SLC8A1: variants seen among roughly 807,000 people sequenced by gnomAD.
The protein encoded by SLC8A1 is sodium/calcium exchanger 1.
Under a neutral mutation model 68.3 loss-of-function variants are expected in SLC8A1, and 18 were observed. That is an observed-to-expected ratio of 0.26 (90% confidence interval 0.18 to 0.39). SLC8A1 has a LOEUF of 0.39. Among genes scored for constraint, SLC8A1 ranks in the 10% least tolerant of loss-of-function variants. SLC8A1 has a pLI of 1.00. For synonymous variants in SLC8A1, 475 were observed against 415.5 expected (o/e 1.14, Z -1.74); for missense variants, 985 against 1,156.7 (o/e 0.85, Z 2.15).
rs141624518 is a variant in SLC8A1 at position 40,298,714 on chromosome 2, A to T, written c.1809-120859T>A. On this transcript the variant is annotated intron_variant, in intron 2 of 7. Transcript: ENST00000406785. ...AAATGGTAACATACGTGCTGTAAGG[A>T]TGACATAAGAGATGGTAAAGGAAAG... Among the ~76,000 whole-genome samples, 95 of 152,350 alleles carry T rather than the reference A, an allele frequency of 6.2e-4. 3 individuals carry two copies. The East Asian group carries it at 0.012, about 19-fold the overall frequency.
At chr2:40,296,026 T>G (rs897996654) in intron 2 of SLC8A1, among the ~76,000 whole-genome samples, 1 of 147,974 alleles carries the variant, frequency 6.8e-6, no homozygotes, top group South Asian at 2.1e-4. Context: ...AGAATTGTGT[T>G]TATTGTCTAT....
intron 2 of SLC8A1, among the ~76,000 whole-genome samples, chr2:40,410,938 T>A (rs1239989265): frequency 6.6e-6 from 1 of 152,036 alleles, no homozygotes; most frequent in Non-Finnish European, 1.5e-5. Context: ...GGATTCAAAA[T>A]GGGATTTTTT....
intron 2 of SLC8A1, among the ~76,000 whole-genome samples, chr2:40,382,194 G>C (rs1459525530): frequency 6.6e-6 from 1 of 152,056 alleles, no homozygotes; most frequent in Non-Finnish European, 1.5e-5. Flanking sequence ...CATCCAAAGA[G>C]GCCAAGCTTA....
At chr2:40,266,634 G>A (rs1277220303) in intron 2 of SLC8A1, among the ~76,000 whole-genome samples, 2 of 152,182 alleles carry the variant, frequency 1.3e-5, no homozygotes, top group Admixed American at 6.6e-5. Context: ...AAGAGAGCCA[G>A]ACTAGTCAGT....
chr2:40,140,640 T>C (rs1252261371), intron 6 of SLC8A1, among the ~76,000 whole-genome samples: 1 of 152,264 alleles, frequency 6.6e-6, no homozygotes, highest in African/African-American at 2.4e-5. Flanking sequence ...TGAGAACCGC[T>C]TTTCTAAATT....
At chr2:40,490,360 A>T (rs1470840703) in intron 1 of SLC8A1, among the ~76,000 whole-genome samples, 2 of 152,178 alleles carry the variant, frequency 1.3e-5, no homozygotes, top group African/African-American at 4.8e-5. Flanking sequence ...TAATTTTGTC[A>T]TATAGCTTTC....
At chr2:40,504,856 G>C (rs1023393113) in intron 1 of SLC8A1, among the ~76,000 whole-genome samples, 3 of 151,970 alleles carry the variant, frequency 2.0e-5, no homozygotes, top group Admixed American at 6.6e-5. Flanking sequence ...TACACTCTTG[G>C]TGGGAATGTA....
intron 7 of SLC8A1, chr2:40,116,901 A>G (rs2035562004): frequency 1.3e-5 from 2 of 152,216 alleles, no homozygotes; most frequent in Non-Finnish European, 2.9e-5. Flanking sequence ...GGTTTAGAGC[A>G]CATTTGAGCT....
At chr2:40,457,301 C>G (rs1703080934) in intron 1 of SLC8A1, among the ~76,000 whole-genome samples, 1 of 152,160 alleles carries the variant, frequency 6.6e-6, no homozygotes, top group Admixed American at 6.5e-5. Flanking sequence ...CAGTTGTTCC[C>G]TACAATCCAG....
Position 40,356,918 on chromosome 2 carries a change from C to A in SLC8A1, c.1808+71555G>T, listed in dbSNP as rs1483668573. On this transcript the variant is annotated intron_variant, in intron 2 of 7. Transcript: ENST00000406785. ...TCAATTATAAAAAAAAATGACAAGG[C>A]ACATGCCATGTTTTCTCTGCTTCTT... Among the ~76,000 whole-genome samples the A allele has an allele frequency of 2.0e-5, 3 of 152,186 alleles. No individual in the cohort carries two copies. The South Asian group carries it at 6.2e-4, about 32-fold the overall frequency.
chr2:40,420,581 A>G (rs1280822122), intron 2 of SLC8A1, among the ~76,000 whole-genome samples: 1 of 152,218 alleles, frequency 6.6e-6, no homozygotes, highest in African/African-American at 2.4e-5. Context: ...GGTCAGCTAC[A>G]CGGAGGGACT....
chr2:40,123,936 C>T (rs893131265), intron 7 of SLC8A1, among the ~76,000 whole-genome samples: 2 of 152,192 alleles, frequency 1.3e-5, no homozygotes, highest in Non-Finnish European at 2.9e-5. Flanking sequence ...ACTCGCTTCT[C>T]CTCCCTTCCC....
At chr2:40,107,573 T>C (rs1450428789) in exon 8 of SLC8A1, 2 of 152,218 alleles carry the variant, frequency 1.3e-5, no homozygotes, top group Non-Finnish European at 2.9e-5. Context: ...CTTTGTATTA[T>C]AGAATATGTT....
chr2:40,280,434 A>T (rs1290165240), intron 2 of SLC8A1, among the ~76,000 whole-genome samples: 1 of 152,184 alleles, frequency 6.6e-6, no homozygotes, highest in African/African-American at 2.4e-5. Context: ...CCATTTTTGG[A>T]TAACTATTCT....
At chr2:40,349,658 G>A (rs1670444274) in intron 2 of SLC8A1, among the ~76,000 whole-genome samples, 1 of 152,150 alleles carries the variant, frequency 6.6e-6, no homozygotes, top group Admixed American at 6.6e-5. Flanking sequence ...TGTAAGAAGT[G>A]TTCAGTAAGT....
intron 6 of SLC8A1, among the ~76,000 whole-genome samples, chr2:40,152,671 C>G (rs1350841593): frequency 6.6e-6 from 1 of 151,974 alleles, no homozygotes; most frequent in Non-Finnish European, 1.5e-5. Flanking sequence ...CAGCCTCAGC[C>G]TCCCAAAGTG....
intron 2 of SLC8A1, among the ~76,000 whole-genome samples, chr2:40,396,316 A>G (rs567394226): frequency 3.0e-4 from 45 of 152,246 alleles, no homozygotes; most frequent in African/African-American, 9.4e-4. Context: ...TGCTTTTCCC[A>G]TAGAAGTCAG....
intron 2 of SLC8A1, among the ~76,000 whole-genome samples, chr2:40,395,043 T>C (rs552775878): frequency 1.4e-4 from 22 of 152,324 alleles, no homozygotes; most frequent in African/African-American, 4.1e-4. Flanking sequence ...CTACTGATTA[T>C]AGATTTAACA....
intron 6 of SLC8A1, among the ~76,000 whole-genome samples, chr2:40,152,021 T>C (rs537750610): frequency 2.0e-5 from 3 of 152,338 alleles, no homozygotes; most frequent in South Asian, 4.1e-4. Context: ...AATGTGACCA[T>C]TAAACAGTGT....
Sources: gnomAD v4.1 joint callset for allele counts (sites outside exome capture counted in the v4.1 genomes callset) on GRCh38, gnomAD v4.1.1 for gene constraint, MANE v1.5 for transcripts, NCBI Gene and HGNC (gene_info 2026-07-23, HGNC 2026-07-21) for gene names.